Variants in PTPRD observed in about 807,000 individuals in gnomAD.
The protein encoded by PTPRD is protein tyrosine phosphatase receptor type D.
A neutral mutation model predicts 214.5 loss-of-function variants in PTPRD; 34 were observed. The observed-to-expected ratio is 0.16, with a 90% CI of 0.12 to 0.21. The LOEUF (loss-of-function observed/expected upper bound fraction) is 0.21, where lower values mean the gene tolerates loss of function less well. PTPRD is among the 10% of genes least tolerant of loss of function. The probability of loss-of-function intolerance (pLI) is 1.00; values close to 1 mark genes in which losing one functional copy is unlikely to be tolerated. For missense variants in PTPRD, 2,545 were observed against 2,398.7 expected (o/e 1.06, Z -1.27); for synonymous variants, 1,128 against 845.7 (o/e 1.33, Z -5.79).
At chr9:8,789,931 A>T (rs909413917) in intron 11 of PTPRD, among the ~76,000 whole-genome samples, 3 of 152,218 alleles carry the variant, frequency 2.0e-5, no homozygotes, top group Non-Finnish European at 4.4e-5. Context: ...AACCATATGG[A>T]AATGACAGAT....
intron 14 of PTPRD, among the ~76,000 whole-genome samples, chr9:8,583,621 T>C (rs535873352): frequency 2.0e-5 from 3 of 152,364 alleles, no homozygotes; most frequent in South Asian, 2.1e-4. Flanking sequence ...CCATAAACTA[T>C]TTAACATATA....
At chr9:9,505,512 C>T (rs74330169) in intron 8 of PTPRD, among the ~76,000 whole-genome samples, 2,930 of 151,410 alleles carry the variant, frequency 0.019, 49 homozygotes, top group Non-Finnish European at 0.03. Flanking sequence ...ATCAGAGAAA[C>T]GTGTAGCTGT....
chr9:8,510,502 T>C (rs2097656159), intron 21 of PTPRD, among the ~76,000 whole-genome samples: 1 of 152,144 alleles, frequency 6.6e-6, no homozygotes, highest in African/African-American at 2.4e-5. Context: ...TTGTCCCAGC[T>C]TCCGATTTCC....
chr9:9,182,876 G>A (rs1266075784), intron 10 of PTPRD, among the ~76,000 whole-genome samples: 1 of 151,652 alleles, frequency 6.6e-6, no homozygotes, highest in Non-Finnish European at 1.5e-5. Context: ...AAATAGCTTT[G>A]TAGCTTCCAA....
intron 6 of PTPRD, among the ~76,000 whole-genome samples, chr9:9,737,753 G>T (rs1308583393): frequency 6.6e-6 from 1 of 152,050 alleles, no homozygotes; most frequent in Non-Finnish European, 1.5e-5. Flanking sequence ...GGACATTTAG[G>T]TTTTCATTTT....
intron 10 of PTPRD, among the ~76,000 whole-genome samples, chr9:9,086,292 T>C (rs1446814662): frequency 6.6e-6 from 1 of 152,166 alleles, no homozygotes; most frequent in Non-Finnish European, 1.5e-5. Flanking sequence ...CATAGTAGTT[T>C]TAGTTTTGAT....
At chr9:10,197,168 T>G (rs2099401549) in intron 3 of PTPRD, among the ~76,000 whole-genome samples, 1 of 152,142 alleles carries the variant, frequency 6.6e-6, no homozygotes. Context: ...AGACTGCCAC[T>G]CTGCACCCCC....
intron 3 of PTPRD, among the ~76,000 whole-genome samples, chr9:10,055,451 C>T (rs2097613548): frequency 6.6e-6 from 1 of 151,998 alleles, no homozygotes; most frequent in African/African-American, 2.4e-5. Context: ...TATTTTTAAG[C>T]TCAGTATATA....
chr9:8,877,747 A>G (rs775015858), intron 11 of PTPRD, among the ~76,000 whole-genome samples: 12 of 152,236 alleles, frequency 7.9e-5, no homozygotes, highest in Non-Finnish European at 1.8e-4. Flanking sequence ...CATAAATGAG[A>G]CAGGCCAATA....
chr9:10,197,867 A>G (rs138893202), intron 3 of PTPRD, among the ~76,000 whole-genome samples: 1 of 152,148 alleles, frequency 6.6e-6, no homozygotes, highest in African/African-American at 2.4e-5. Flanking sequence ...TCAGATCTGT[A>G]AGCAAAGACC....
intron 11 of PTPRD, among the ~76,000 whole-genome samples, chr9:8,816,416 G>C (rs909464293): frequency 6.6e-6 from 1 of 152,134 alleles, no homozygotes; most frequent in African/African-American, 2.4e-5. Context: ...ATAAACACAA[G>C]ACACAAAGTT....
intron 14 of PTPRD, among the ~76,000 whole-genome samples, chr9:8,551,381 T>C (rs6477315): frequency 0.37 from 56,971 of 152,094 alleles, 12,144 homozygotes; most frequent in African/African-American, 0.59. Context: ...ATGCTTCATA[T>C]CTCATTTTAT....
rs868040788 is a variant in PTPRD at position 9,402,980 on chromosome 9, A to C, written c.-236-5498T>G. 2.2e-4 allele frequency among the ~76,000 whole-genome samples: 28 copies of C among 128,850 alleles called. 1 individual carries two copies. The highest frequency in any genetic ancestry group is 3.1e-4 in the Admixed American group (4 of 12,952). 84.5% of individuals were successfully genotyped at this position (128,850 alleles called of 152,430 possible). Reference sequence around the variant, plus strand: ...TCTAATAGGGAGAAAAAAAAAAAAAAAAAAAAAAACACCAAAAAAAAATGA... The same window carrying C: ...TCTAATAGGGAGAAAAAAAAAAAAACAAAAAAAAACACCAAAAAAAAATGA... On this transcript the variant is annotated intron_variant, in intron 8 of 45. Transcript: ENST00000381196.
intron 5 of PTPRD, among the ~76,000 whole-genome samples, chr9:9,813,044 C>T (rs898211587): frequency 6.6e-6 from 1 of 152,040 alleles, no homozygotes; most frequent in South Asian, 2.1e-4. Flanking sequence ...GTAAACAACA[C>T]ACTCTTAATG....
chr9:9,035,849 TTCTC>T (rs2099620072), intron 10 of PTPRD, among the ~76,000 whole-genome samples: 1 of 152,148 alleles, frequency 6.6e-6, no homozygotes, highest in Admixed American at 6.6e-5. Context: ...AGGTGTTTCT[TTCTC>T]TACTGCATTT....
chr9:8,448,954 C>T (rs911486288), intron 34 of PTPRD, among the ~76,000 whole-genome samples: 3 of 152,068 alleles, frequency 2.0e-5, no homozygotes, highest in South Asian at 4.2e-4. Flanking sequence ...TAGGGTCACT[C>T]GGTTTTATAT....
At chr9:10,594,118 A>C (rs1370871503) in intron 2 of PTPRD, among the ~76,000 whole-genome samples, 1 of 151,980 alleles carries the variant, frequency 6.6e-6, no homozygotes, top group Non-Finnish European at 1.5e-5. Flanking sequence ...TTCCCCTTCC[A>C]AATAAGTTAT....
intron 12 of PTPRD, among the ~76,000 whole-genome samples, chr9:8,669,719 G>C (rs1017243446): frequency 6.6e-6 from 1 of 152,194 alleles, no homozygotes; most frequent in Non-Finnish European, 1.5e-5. Flanking sequence ...AACCAAGTGA[G>C]TGATAATCCA....
At position 8,664,095 on chromosome 9, in the gene PTPRD, T is replaced by C. The variant is rs552948902; in HGVS notation, c.65-27251A>G. On this transcript the variant is annotated intron_variant, in intron 12 of 45. Transcript: ENST00000381196. The stretch of plus-strand genomic sequence containing the variant: ...ATTTTAACCAACATCATCTGGAGAC[T>C]GAACACTACAACACAGTGCAAAACC... Among the ~76,000 whole-genome samples the C allele has an allele frequency of 2.6e-5, 4 of 152,312 alleles. No individual in the cohort carries two copies. In the South Asian group the frequency reaches 8.3e-4, roughly 32 times the overall value.
Sources: allele counts gnomAD v4.1 joint callset (sites outside exome capture counted in the v4.1 genomes callset), GRCh38; gene constraint gnomAD v4.1.1; transcripts MANE v1.5; gene names NCBI Gene and HGNC (gene_info 2026-07-23, HGNC 2026-07-21).